Variants in CFAP61 observed in about 807,000 individuals in gnomAD.
CFAP61 encodes the protein cilia and flagella associated protein 61, also known as cilia- and flagella-associated protein 61.
CFAP61 carries 107 observed loss-of-function variants against 135.6 expected under a neutral mutation model. That is an observed-to-expected ratio of 0.79 (90% confidence interval 0.67 to 0.93). The LOEUF (loss-of-function observed/expected upper bound fraction) is 0.93, where lower values mean the gene tolerates loss of function less well. CFAP61 is among the 40% of genes least tolerant of loss of function. CFAP61 has a pLI of 0.00. For synonymous variants in CFAP61, 575 were observed against 578.5 expected, an observed-to-expected ratio of 0.99 and a Z score of 0.09; for missense variants, 1,507 against 1,556.2, an observed-to-expected ratio of 0.97 and a Z score of 0.53.
At chr20:20,220,427 T>C (rs1255647755) in intron 17 of CFAP61, among the ~76,000 whole-genome samples, 2 of 152,112 alleles carry the variant, frequency 1.3e-5, no homozygotes, top group Non-Finnish European at 2.9e-5. Flanking sequence ...TCCTAGCAAA[T>C]TATCGAACCT....
In CFAP61 at chr20:20,228,356, C is replaced by G; in HGVS notation, c.2040C>G (p.Phe680Leu). ...VVGASSVGISFLETLVFCSHM... is the reference protein window; with the variant it reads ...VVGASSVGISLLETLVFCSHM... ...GTGCATCCAGTGTTGGAATTTCCTT[C>G]CTAGAGACATTGGTATTTTGGTGAG... Residue 680 changes from phenylalanine to leucine, a missense_variant, in exon 18 of 27, where the codon TTC (phenylalanine) becomes TTG (leucine). Physicochemically the swap from Phe to Leu is conservative, Grantham distance 22 (BLOSUM62 0). Transcript: ENST00000245957. 1.9e-6 allele frequency: 3 copies of G among 1,609,002 alleles called. No individual in the cohort carries two copies. Among genetic ancestry groups the G allele is most frequent in the Non-Finnish European group, 2.6e-6 (3 of 1,175,958 alleles).
chr20:20,138,690 T>C (rs2051131730), intron 8 of CFAP61, among the ~76,000 whole-genome samples: 1 of 152,244 alleles, frequency 6.6e-6, no homozygotes, highest in Non-Finnish European at 1.5e-5. Flanking sequence ...TGATTTTTGG[T>C]TCTTATGAAG....
intron 17 of CFAP61, chr20:20,225,216 A>C (rs1472889039): frequency 6.6e-6 from 1 of 152,246 alleles, no homozygotes; most frequent in Non-Finnish European, 1.5e-5. Flanking sequence ...GGATGTTTCC[A>C]GGCTGGGAAG....
chr20:20,253,626 C>A, intron 20 of CFAP61: 2 of 474,968 alleles, frequency 4.2e-6, no homozygotes, highest in Non-Finnish European at 4.2e-6. Context: ...TGTCCAGTCC[C>A]ACTGTTTGGC....
intron 17 of CFAP61, among the ~76,000 whole-genome samples, chr20:20,207,175 G>A (rs2056892117): frequency 6.6e-6 from 1 of 152,206 alleles, no homozygotes; most frequent in African/African-American, 2.4e-5. Context: ...ATCTAAGAGA[G>A]CTCAGGTAGC....
At chr20:20,128,643 A>G (rs2050262557) in intron 8 of CFAP61, among the ~76,000 whole-genome samples, 2 of 151,632 alleles carry the variant, frequency 1.3e-5, no homozygotes, top group Non-Finnish European at 2.9e-5. Flanking sequence ...AAAATTCACA[A>G]TGCAAGCCTC....
intron 8 of CFAP61, among the ~76,000 whole-genome samples, chr20:20,120,635 CAGTT>C (rs2049538571): frequency 6.6e-6 from 1 of 152,134 alleles, no homozygotes; most frequent in Admixed American, 6.5e-5. Flanking sequence ...CTGTAAATGT[CAGTT>C]AGGTCTGTTT....
chr20:20,254,921 G>A (rs747935558), intron 20 of CFAP61, among the ~76,000 whole-genome samples: 3 of 152,140 alleles, frequency 2.0e-5, no homozygotes, highest in Admixed American at 6.5e-5. Context: ...TGCACTGCAC[G>A]GCTAAGCATG....
chr20:20,246,636 TCTG>T (rs1415398760), intron 19 of CFAP61, among the ~76,000 whole-genome samples: 2 of 152,244 alleles, frequency 1.3e-5, no homozygotes, highest in African/African-American at 4.8e-5. Context: ...TCCATGCCAG[TCTG>T]GGTGAGCTTT....
chr20:20,281,700 G>A (rs970379971), intron 22 of CFAP61, among the ~76,000 whole-genome samples: 2 of 152,104 alleles, frequency 1.3e-5, no homozygotes, highest in Non-Finnish European at 2.9e-5. Flanking sequence ...TATTCATGAG[G>A]GATGTTGATA....
intron 13 of CFAP61, among the ~76,000 whole-genome samples, chr20:20,174,274 C>T (rs2054442610): frequency 6.6e-6 from 1 of 152,180 alleles, no homozygotes; most frequent in South Asian, 2.1e-4. Flanking sequence ...CGCCAGCGCA[C>T]CCGCCAGCCC....
At chr20:20,297,948 C>T (rs1368764744) in intron 24 of CFAP61, among the ~76,000 whole-genome samples, 1 of 152,156 alleles carries the variant, frequency 6.6e-6, no homozygotes, top group Non-Finnish European at 1.5e-5. Flanking sequence ...TTTAGAAACA[C>T]AGAACAAGGC....
At chr20:20,138,541 AC>A (rs758876555) in intron 8 of CFAP61, among the ~76,000 whole-genome samples, 3 of 152,240 alleles carry the variant, frequency 2.0e-5, no homozygotes, top group Non-Finnish European at 4.4e-5. Flanking sequence ...CCCCAAGTGT[AC>A]AGATTTTCCA....
chr20:20,249,373 C>CA (rs111910616), intron 19 of CFAP61, among the ~76,000 whole-genome samples: 1,574 of 144,302 alleles, frequency 0.011, 26 homozygotes, highest in African/African-American at 0.036. Flanking sequence ...CCCATTTCTA[C>CA]AAAAAAAAAA....
chr20:20,062,258 C>T (rs2044862084), intron 2 of CFAP61, among the ~76,000 whole-genome samples: 1 of 152,132 alleles, frequency 6.6e-6, no homozygotes, highest in African/African-American at 2.4e-5. Context: ...GTTCTTGCCC[C>T]AACAGATACC....
chr20:20,281,255 C>T (rs758364827), intron 22 of CFAP61, among the ~76,000 whole-genome samples: 2 of 152,010 alleles, frequency 1.3e-5, no homozygotes, highest in African/African-American at 2.4e-5. Flanking sequence ...TTGCTTTATT[C>T]TACTCACTAG....
chr20:20,196,921 C>G, intron 16 of CFAP61, 145 bp downstream of exon 16: 2 of 717,634 alleles, frequency 2.8e-6, no homozygotes, highest in Non-Finnish European at 4.8e-6. Flanking sequence ...TTTAGTTTGG[C>G]CTTTTTCATA....
intron 13 of CFAP61, among the ~76,000 whole-genome samples, chr20:20,182,324 A>G (rs2055167028): frequency 6.6e-6 from 1 of 152,214 alleles, no homozygotes; most frequent in South Asian, 2.1e-4. Context: ...AATAGTATGC[A>G]TCCTTACAAC....
At chr20:20,180,393 G>A (rs143984624) in intron 13 of CFAP61, among the ~76,000 whole-genome samples, 3 of 151,102 alleles carry the variant, frequency 2.0e-5, no homozygotes, top group Admixed American at 1.3e-4. Flanking sequence ...AGACATACAT[G>A]CAGCCAACAA....
Sources: allele counts gnomAD v4.1 joint callset (sites outside exome capture counted in the v4.1 genomes callset), GRCh38; gene constraint gnomAD v4.1.1; transcripts MANE v1.5; gene names NCBI Gene and HGNC (gene_info 2026-07-23, HGNC 2026-07-21).